Variants in TASP1 observed in about 807,000 individuals in gnomAD.
TASP1 encodes threonine aspartase 1.
Under a neutral mutation model 56.6 loss-of-function variants are expected in TASP1, and 16 were observed. The observed-to-expected ratio is 0.28, with a 90% CI of 0.19 to 0.43. The LOEUF (loss-of-function observed/expected upper bound fraction) is 0.43. Among genes scored for constraint, TASP1 ranks in the 20% least tolerant of loss-of-function variants. The pLI, the probability that TASP1 is intolerant of heterozygous loss-of-function variation, is 1.00. For synonymous variants in TASP1, 179 were observed against 184.2 expected (o/e 0.97, Z 0.23); for missense variants, 393 against 511.6 (o/e 0.77, Z 2.24).
the TASP1 span, among the ~76,000 whole-genome samples, chr20:13,265,255 G>A: frequency 5.3e-5 from 8 of 152,186 alleles, no homozygotes; most frequent in East Asian, 1.2e-3. Context: ...TCTGCTGTAC[G>A]TTTACAAGCC....
rs543463150 is a variant in TASP1, at chr20:13,391,839, G to C, written c.1171-1387C>G. On this transcript the variant is annotated intron_variant, in intron 13 of 13. Coordinates refer to ENST00000337743, the MANE Select transcript of TASP1 (RefSeq NM_017714.3). ...AAAAATTAGCCAGGCGTGGTGGCAG[G>C]CGCCTGTAGTCCCAGCTACTTGGGA... Among the ~76,000 whole-genome samples the C allele has an allele frequency of 3.3e-5, 5 of 151,924 alleles. No individual in the cohort carries two copies. The South Asian group carries it at 8.3e-4, about 25-fold the overall frequency.
chr20:13,468,712 G>C (rs1019571531), intron 11 of TASP1, among the ~76,000 whole-genome samples: 1 of 151,964 alleles, frequency 6.6e-6, no homozygotes, highest in Non-Finnish European at 1.5e-5. Context: ...TATGTGCTTT[G>C]AGTTTACCGT....
At chr20:13,628,624 C>T (rs111416261) in intron 2 of TASP1, among the ~76,000 whole-genome samples, 74 of 152,232 alleles carry the variant, frequency 4.9e-4, no homozygotes, top group African/African-American at 1.7e-3. Context: ...AGGCAGGACA[C>T]CAGTCTCACA....
At chr20:13,153,897 T>C in the TASP1 span, 2 of 1,430,200 alleles carry the variant, frequency 1.4e-6, no homozygotes, top group Non-Finnish European at 1.9e-6. Flanking sequence ...TCCCAGCTAG[T>C]GCTGCTGGCC....
At chr20:13,429,667 C>T (rs949591066) in intron 12 of TASP1, among the ~76,000 whole-genome samples, 1 of 151,342 alleles carries the variant, frequency 6.6e-6, no homozygotes, top group Non-Finnish European at 1.5e-5. Flanking sequence ...TGTGTGTGTG[C>T]TGCCTGCTGA....
At chr20:13,299,559 G>C in the TASP1 span, 2 of 1,087,622 alleles carry the variant, frequency 1.8e-6, no homozygotes, top group East Asian at 4.8e-5. This position sits in a 1 kb window ranked among gnomAD's most constrained non-coding sequence, Gnocchi z 5.8. Flanking sequence ...AGCTGCGGTC[G>C]TGTATATTTG....
chr20:13,274,783 C>G, the TASP1 span, among the ~76,000 whole-genome samples: 4 of 152,108 alleles, frequency 2.6e-5, no homozygotes, highest in African/African-American at 9.7e-5. Flanking sequence ...CAGGCAGCCT[C>G]GGTCCCAAGT....
chr20:13,381,573 G>T, the TASP1 span, among the ~76,000 whole-genome samples: 1 of 152,208 alleles, frequency 6.6e-6, no homozygotes, highest in South Asian at 2.1e-4. Flanking sequence ...GATGCCACAG[G>T]ACTCTTCTTA....
chr20:13,541,592 T>A (rs1379283696), intron 8 of TASP1, among the ~76,000 whole-genome samples: 1 of 152,134 alleles, frequency 6.6e-6, no homozygotes, highest in African/African-American at 2.4e-5. Flanking sequence ...AGAATGCTCA[T>A]ATCATTTACA....
chr20:13,544,277 C>T (rs1204200490), intron 8 of TASP1, among the ~76,000 whole-genome samples: 1 of 152,164 alleles, frequency 6.6e-6, no homozygotes, highest in African/African-American at 2.4e-5. Flanking sequence ...TACTGGATCA[C>T]ACTTTTCTCA....
the TASP1 span, among the ~76,000 whole-genome samples, chr20:13,223,188 AAAAT>A: frequency 5.7e-3 from 839 of 147,262 alleles, 4 homozygotes; most frequent in African/African-American, 0.02. Context: ...AAAATAAAAT[AAAAT>A]AAATAAATAA....
At chr20:13,401,642 C>A (rs2041740948) in intron 13 of TASP1, among the ~76,000 whole-genome samples, 1 of 152,002 alleles carries the variant, frequency 6.6e-6, no homozygotes, top group South Asian at 2.1e-4. Flanking sequence ...ATGACATGAC[C>A]AAGATTATAG....
the TASP1 span, among the ~76,000 whole-genome samples, chr20:13,384,388 G>A: frequency 8.5e-5 from 13 of 152,256 alleles, no homozygotes; most frequent in East Asian, 2.5e-3. Context: ...GAACCACCTT[G>A]GGCTTGGCTG....
At chr20:13,205,360 C>T in the TASP1 span, among the ~76,000 whole-genome samples, 1 of 152,126 alleles carries the variant, frequency 6.6e-6, no homozygotes, top group South Asian at 2.1e-4. Flanking sequence ...GTTCAAATGT[C>T]GCCTCCCCAG....
At chr20:13,631,476 G>C (rs138548500) in intron 1 of TASP1, among the ~76,000 whole-genome samples, 1 of 152,160 alleles carries the variant, frequency 6.6e-6, no homozygotes, top group Non-Finnish European at 1.5e-5. Flanking sequence ...CTCTGAAATA[G>C]GCTATCATTT....
intron 7 of TASP1, among the ~76,000 whole-genome samples, chr20:13,560,998 T>C (rs2046326955): frequency 6.6e-6 from 1 of 152,120 alleles, no homozygotes. Context: ...TCCCCAATAA[T>C]ATTATAAGCA....
At chr20:13,384,206 C>A in the TASP1 span, among the ~76,000 whole-genome samples, 1 of 152,188 alleles carries the variant, frequency 6.6e-6, no homozygotes, top group East Asian at 1.9e-4. Context: ...TTTTAGGCTT[C>A]TGACACTCTG....
At chr20:13,270,509 C>T in the TASP1 span, 1 of 1,612,146 alleles carries the variant, frequency 6.2e-7, no homozygotes, top group South Asian at 1.1e-5. Flanking sequence ...TTTAGAATAA[C>T]CTCAACGTGG....
intron 8 of TASP1, among the ~76,000 whole-genome samples, chr20:13,552,388 AAAAAC>A (rs890826961): frequency 3.3e-5 from 5 of 152,296 alleles, no homozygotes; most frequent in East Asian, 1.9e-4. Context: ...AAGGAAAAAC[AAAAAC>A]AAAACAAAAC....
Sources: allele counts gnomAD v4.1 joint callset (sites outside exome capture counted in the v4.1 genomes callset), GRCh38; gene constraint gnomAD v4.1.1; non-coding constraint Gnocchi (gnomAD v3.1); transcripts MANE v1.5; gene names NCBI Gene and HGNC (gene_info 2026-07-23, HGNC 2026-07-21).